Variants in SEL1L2 observed in about 807,000 individuals in gnomAD.
SEL1L2 encodes SEL1L2 adaptor subunit of SYVN1 ubiquitin ligase.
A neutral mutation model predicts 98.8 loss-of-function variants in SEL1L2; 89 were observed. That is an observed-to-expected ratio of 0.90 (90% confidence interval 0.76 to 1.07). The LOEUF is 1.07. Among genes scored for constraint, SEL1L2 ranks in the 50% least tolerant of loss-of-function variants. The pLI is 0.00. For synonymous variants in SEL1L2, 262 were observed against 278.5 expected (o/e 0.94, Z 0.59); for missense variants, 788 against 812.0 (o/e 0.97, Z 0.36).
chr20:13,890,651 A>G (rs1282967025), intron 5 of SEL1L2, among the ~76,000 whole-genome samples: 2 of 152,222 alleles, frequency 1.3e-5, no homozygotes, highest in Non-Finnish European at 2.9e-5. Context: ...GTCCTATGAA[A>G]GGAACAAAAT....
At chr20:13,913,682 G>A (rs1033780654) in intron 5 of SEL1L2, 100 bp downstream of exon 5, 151 of 1,106,884 alleles carry the variant, frequency 1.4e-4, no homozygotes, top group Non-Finnish European at 1.6e-4. Context: ...CTGGGTTCAT[G>A]CAGCAGAGCT....
At chr20:13,931,540 A>C (rs1051738535) in intron 3 of SEL1L2, 63 bp downstream of exon 3, 3 of 1,030,064 alleles carry the variant, frequency 2.9e-6, no homozygotes, top group African/African-American at 3.3e-5. Context: ...AGTAGCTCTA[A>C]AATTTGATTT....
In SEL1L2 at chr20:13,931,708, C is replaced by T. The variant is rs1479822491; in HGVS notation, c.178G>A (p.Val60Ile). 3.2e-6 allele frequency: 5 copies of T among 1,562,852 alleles called. No individual in the cohort carries two copies. The highest frequency in any genetic ancestry group is 4.3e-6 in the Non-Finnish European group (5 of 1,154,692). ...HILEQRTSSNVINKRENLLEK... is the reference protein window; with the variant it reads ...HILEQRTSSNIINKRENLLEK... Reference sequence around the variant, plus strand: ...AGGAGATTTTCTCTTTTATTGATTACATTACTAGATGTTCTTTGTTCCAAT... The same window carrying T: ...AGGAGATTTTCTCTTTTATTGATTATATTACTAGATGTTCTTTGTTCCAAT... The change falls in exon 3 of 20, where the codon GTA becomes ATA. Residue 60 changes from valine to isoleucine, a missense_variant. Transcript: ENST00000284951.
chr20:13,913,746 G>T, intron 5 of SEL1L2, 36 bp downstream of exon 5: 2 of 1,474,008 alleles, frequency 1.4e-6, no homozygotes, highest in South Asian at 1.5e-5. Context: ...TTTCAGGATG[G>T]AGCTATTTAA....
intron 3 of SEL1L2, among the ~76,000 whole-genome samples, chr20:13,923,173 C>T (rs1315072021): frequency 6.6e-6 from 1 of 152,184 alleles, no homozygotes; most frequent in Non-Finnish European, 1.5e-5. Context: ...TGAAACAATA[C>T]ATTTCTCTCT....
chr20:13,962,221 C>T (rs1052116279), intron 1 of SEL1L2, among the ~76,000 whole-genome samples: 1 of 152,174 alleles, frequency 6.6e-6, no homozygotes, highest in African/African-American at 2.4e-5. Flanking sequence ...CATCGCTTTG[C>T]AGTGTGACTT....
At chr20:13,966,602 G>A (rs754472738) in intron 1 of SEL1L2, among the ~76,000 whole-genome samples, 6 of 151,852 alleles carry the variant, frequency 4.0e-5, no homozygotes, top group Admixed American at 6.6e-5. Context: ...TTACAGGTGT[G>A]AGCCACTGCG....
chr20:13,939,040 G>GGTTTTTTT lies in SEL1L2; in HGVS notation c.115-7270_115-7269insAAAAAAAC. On this transcript the variant is annotated intron_variant, in intron 2 of 19. Coordinates refer to ENST00000284951, the MANE Select transcript of SEL1L2 (RefSeq NM_025229.2). Reference sequence around the variant, plus strand: ...TCTTTTTGGTTTGTTTGCTTGTTTTGTTTTTTTTTTTTTTTTTTTCTGAGA... The same window carrying GGTTTTTTT: ...TCTTTTTGGTTTGTTTGCTTGTTTTGGTTTTTTTTTTTTTTTTTTTTTTTTTTCTGAGA... Among the ~76,000 whole-genome samples the GGTTTTTTT allele has an allele frequency of 1.4e-3, 164 of 114,070 alleles. 16 individuals are homozygous for GGTTTTTTT. Among genetic ancestry groups the GGTTTTTTT allele is most frequent in the South Asian group, 3.2e-3 (11 of 3,472 alleles). The allele number at this position is 114,070 out of a possible 152,430, so 74.8% of individuals were successfully genotyped here. A position where few individuals can be genotyped will look rare whatever the true frequency, so the allele number is the denominator to read the frequency against.
At chr20:13,986,394 A>C (rs1396871362) in intron 1 of SEL1L2, among the ~76,000 whole-genome samples, 1 of 151,946 alleles carries the variant, frequency 6.6e-6, no homozygotes, top group Non-Finnish European at 1.5e-5. Context: ...TTAAGCAGTC[A>C]CTCCCCATTC....
At chr20:13,888,031 C>A in intron 6 of SEL1L2, 30 bp from the exon 7 acceptor site, 1 of 1,595,984 alleles carries the variant, frequency 6.3e-7, no homozygotes. Context: ...ACAAAAAACC[C>A]CCCAAACCAG....
intron 5 of SEL1L2, among the ~76,000 whole-genome samples, chr20:13,899,238 T>C (rs114513457): frequency 0.012 from 1,801 of 152,224 alleles, 40 homozygotes; most frequent in African/African-American, 0.041. Flanking sequence ...ATGTAATGAA[T>C]TGTGGTCATG....
chr20:13,962,491 A>G (rs943320548), intron 1 of SEL1L2, among the ~76,000 whole-genome samples: 6 of 152,202 alleles, frequency 3.9e-5, no homozygotes, highest in Admixed American at 2.0e-4. Context: ...CACCAGCTGC[A>G]TGAAACTGCA....
At chr20:13,865,262 A>T in intron 16 of SEL1L2, 21 bp from the exon 17 acceptor site, 2 of 1,611,808 alleles carry the variant, frequency 1.2e-6, no homozygotes, top group Non-Finnish European at 1.7e-6. Context: ...GAGACATTCC[A>T]TTAGGAAGGC....
rs1187599146 is a variant in SEL1L2 at position 13,849,694 on chromosome 20, C to T, written c.1948-90G>A. On this transcript the variant is annotated intron_variant, in intron 19 of 19. Coordinates refer to ENST00000284951, the MANE Select transcript of SEL1L2 (RefSeq NM_025229.2). ...CTCTTCCCAAACCCACCACCACCAA[C>T]CCTCCTCCCACCCATTCCCTTTGCT... 4.8e-6 allele frequency: 7 copies of T among 1,467,630 alleles called. No individual in the cohort carries two copies. In the Admixed American group the frequency reaches 1.3e-4, roughly 28 times the overall value. The allele number at this position is 1,467,630 out of a possible 1,614,324, so 90.9% of individuals were successfully genotyped here.
At chr20:13,895,548 A>C (rs1337523176) in intron 5 of SEL1L2, among the ~76,000 whole-genome samples, 3 of 152,212 alleles carry the variant, frequency 2.0e-5, no homozygotes, top group Non-Finnish European at 4.4e-5. Context: ...AAACTTCAAC[A>C]TGCTTTTGTG....
In SEL1L2 at chr20:13,888,321, C is replaced by G. The variant is rs1431511868; in HGVS notation, c.603+138G>C. ...TTAAGAAACTTATGGCATAAGAACA[C>G]TAAATTTCTTTGACTATTAAGTTGG... On this transcript the variant is annotated intron_variant, in intron 6 of 19. Coordinates refer to ENST00000284951, the MANE Select transcript of SEL1L2 (RefSeq NM_025229.2). The G allele has an allele frequency of 4.4e-6, 3 of 677,394 alleles. No individual in the cohort carries two copies. In the East Asian group the frequency reaches 8.4e-5, roughly 19 times the overall value. 42.0% of individuals were successfully genotyped at this position (677,394 alleles called of 1,614,324 possible). A position where few individuals can be genotyped will look rare whatever the true frequency, so the allele number is the denominator to read the frequency against.
intron 5 of SEL1L2, among the ~76,000 whole-genome samples, chr20:13,907,742 C>CTTTCTTTCTTTCTTTTCT (rs1555880158): frequency 4.1e-4 from 34 of 83,592 alleles, no homozygotes; most frequent in East Asian, 1.6e-3. Flanking sequence ...TTCTTTCTTT[C>CTTTCTTTCTTTCTTTTCT]TTTCTTTTCT....
chr20:13,961,006 T>G (rs902986549), intron 1 of SEL1L2, among the ~76,000 whole-genome samples: 1 of 152,230 alleles, frequency 6.6e-6, no homozygotes, highest in Admixed American at 6.5e-5. Flanking sequence ...TCTAGAATTA[T>G]AGCTCTAACT....
intron 5 of SEL1L2, among the ~76,000 whole-genome samples, chr20:13,912,168 A>G: frequency 6.6e-6 from 1 of 152,170 alleles, no homozygotes; most frequent in Non-Finnish European, 1.5e-5. Flanking sequence ...CCCATCTACA[A>G]GGGGTCTTCC....
Sources: allele counts gnomAD v4.1 joint callset (sites outside exome capture counted in the v4.1 genomes callset), GRCh38; gene constraint gnomAD v4.1.1; transcripts MANE v1.5; gene names NCBI Gene and HGNC (gene_info 2026-07-23, HGNC 2026-07-21).